Variants in TMEM232 observed in about 807,000 individuals in gnomAD.
The protein encoded by TMEM232 is transmembrane protein 232.
A neutral mutation model predicts 78.8 loss-of-function variants in TMEM232; 80 were observed. The ratio of observed to expected loss-of-function variants is 1.01; its 90% CI spans 0.85 to 1.22. The LOEUF (loss-of-function observed/expected upper bound fraction) is 1.22. Ranked by LOEUF, TMEM232 falls within the 50% of genes most tolerant of loss-of-function variation. TMEM232 has a pLI of 0.00. For synonymous variants in TMEM232, 297 were observed against 254.3 expected, an observed-to-expected ratio of 1.17 and a Z score of -1.60; for missense variants, 881 against 742.2, an observed-to-expected ratio of 1.19 and a Z score of -2.17.
At chr5:110,537,816 C>G (rs73783622) in intron 11 of TMEM232, among the ~76,000 whole-genome samples, 5,904 of 152,332 alleles carry the variant, frequency 0.039, 178 homozygotes, top group African/African-American at 0.081. Context: ...TCAAGAATCC[C>G]AGGAAATTTG....
rs535798367 is a variant in TMEM232 at position 110,723,830 on chromosome 5, A to G, written c.-13+2797T>C. On this transcript the variant is annotated intron_variant, in intron 1 of 13. Transcript: ENST00000455884. ...TGTTGGTAAAGTTTACTTTCATGAT[A>G]GAGGCACAGTACCTTCTTCCTTGTC... Among the ~76,000 whole-genome samples the G allele has an allele frequency of 2.0e-5, 3 of 152,322 alleles. No homozygotes were observed. In the South Asian group the frequency reaches 6.2e-4, roughly 32 times the overall value.
chr5:110,522,073 C>T (rs369509183), intron 12 of TMEM232, among the ~76,000 whole-genome samples: 1 of 152,040 alleles, frequency 6.6e-6, no homozygotes, highest in African/African-American at 2.4e-5. Flanking sequence ...TACAAAATGC[C>T]ATTCATTTAT....
At chr5:110,518,222 T>C (rs565397225) in intron 12 of TMEM232, among the ~76,000 whole-genome samples, 258 of 152,264 alleles carry the variant, frequency 1.7e-3, no homozygotes, top group African/African-American at 5.8e-3. Flanking sequence ...ATCATCTGTA[T>C]ACACTTTCCC....
intron 12 of TMEM232, among the ~76,000 whole-genome samples, chr5:110,504,365 G>A (rs904686659): frequency 6.6e-6 from 1 of 152,082 alleles, no homozygotes; most frequent in African/African-American, 2.4e-5. Context: ...ATGCTGATAC[G>A]GGAATAGAAG....
chr5:110,627,983 A>G (rs972376710), intron 5 of TMEM232, 103 bp from the exon 6 acceptor site: 1 of 763,898 alleles, frequency 1.3e-6, no homozygotes, highest in Non-Finnish European at 2.1e-6. Context: ...TCTTTTGAGA[A>G]AACAATTTTA....
intron 11 of TMEM232, among the ~76,000 whole-genome samples, chr5:110,564,110 T>C (rs1039654785): frequency 2.6e-5 from 4 of 152,026 alleles, no homozygotes; most frequent in African/African-American, 7.2e-5. Context: ...TAATTGCCCT[T>C]CCTACCTATT....
intron 12 of TMEM232, among the ~76,000 whole-genome samples, chr5:110,518,136 CT>C (rs1768959093): frequency 1.3e-5 from 2 of 151,886 alleles, no homozygotes; most frequent in Admixed American, 1.3e-4. Flanking sequence ...CTCTCTCTCT[CT>C]CTCTCTCTTT....
intron 12 of TMEM232, among the ~76,000 whole-genome samples, chr5:110,435,078 A>G (rs1337927013): frequency 6.6e-6 from 1 of 151,906 alleles, no homozygotes; most frequent in African/African-American, 2.4e-5. Flanking sequence ...AGCCAGAGCA[A>G]TCAGGCAAGA....
chr5:110,679,287 G>T (rs1426502527), intron 1 of TMEM232, among the ~76,000 whole-genome samples: 1 of 152,156 alleles, frequency 6.6e-6, no homozygotes, highest in Non-Finnish European at 1.5e-5. Context: ...ATGATATAGA[G>T]TATCTTTTCA....
At chr5:110,489,994 C>T (rs1040059718) in intron 12 of TMEM232, among the ~76,000 whole-genome samples, 2 of 151,578 alleles carry the variant, frequency 1.3e-5, no homozygotes, top group African/African-American at 2.4e-5. Flanking sequence ...TGTGGTGGCG[C>T]GTGCCTATAG....
In TMEM232 at chr5:110,528,607, C is replaced by A; in HGVS notation, c.1684G>T (p.Val562Phe). The A allele has an allele frequency of 6.5e-7, 1 of 1,530,098 alleles. No homozygotes were observed. The highest frequency in any genetic ancestry group is 1.2e-5 in the South Asian group (1 of 82,822). The allele number at this position is 1,530,098 out of a possible 1,614,324, so 94.8% of individuals were successfully genotyped here. ...CTTTACCTTACAGTGAAATGTAGAACTTGCTTTTTCACAGACTCCAGCTTT... is the reference window on the plus strand; with the variant it reads ...CTTTACCTTACAGTGAAATGTAGAAATTGCTTTTTCACAGACTCCAGCTTT... ...NKKLESVKKQ[V>F]LHFTVREHPS... The change falls in exon 12 of 14, where the codon GTT becomes TTT. Residue 562 changes from valine (V) to phenylalanine (F), a missense_variant. By Grantham distance (50) the Val-to-Phe change is conservative (BLOSUM62 -1). Coordinates refer to ENST00000455884, the MANE Select transcript of TMEM232 (RefSeq NM_001039763.4).
intron 12 of TMEM232, among the ~76,000 whole-genome samples, chr5:110,440,197 C>CT (rs1278787144): frequency 1.3e-4 from 20 of 152,092 alleles, no homozygotes; most frequent in Non-Finnish European, 2.8e-4. Flanking sequence ...TCAAAGTGTC[C>CT]TTTAAGAGAT....
At chr5:110,692,520 G>T (rs550221337) in intron 1 of TMEM232, among the ~76,000 whole-genome samples, 1 of 152,366 alleles carries the variant, frequency 6.6e-6, no homozygotes, top group East Asian at 1.9e-4. Context: ...CACACAGGAA[G>T]CGCAAGGAGG....
At chr5:110,611,447 G>A (rs1245379727) in intron 8 of TMEM232, among the ~76,000 whole-genome samples, 5 of 152,042 alleles carry the variant, frequency 3.3e-5, no homozygotes, top group Non-Finnish European at 5.9e-5. Flanking sequence ...GAGAGTGAAG[G>A]GATGGAGCCT....
chr5:110,654,286 T>C (rs1051324779), intron 2 of TMEM232, among the ~76,000 whole-genome samples: 1 of 152,252 alleles, frequency 6.6e-6, no homozygotes, highest in Admixed American at 6.5e-5. Flanking sequence ...ACTTTAGGTC[T>C]AATGTTTAAG....
At chr5:110,728,087 C>T (rs367706779), upstream of TMEM232, among the ~76,000 whole-genome samples, 7 of 151,680 alleles carry the variant, frequency 4.6e-5, no homozygotes, top group South Asian at 1.0e-3. Flanking sequence ...AAAGGAAGGC[C>T]GAATAAAAAA....
chr5:110,738,339 G>A, upstream of TMEM232: 1 of 934,426 alleles, frequency 1.1e-6, no homozygotes, highest in Non-Finnish European at 1.4e-6. Flanking sequence ...TACCCTGAGT[G>A]ATTTAGACAC....
chr5:110,648,795 A>G (rs181916766), intron 2 of TMEM232, among the ~76,000 whole-genome samples: 58 of 152,252 alleles, frequency 3.8e-4, no homozygotes, highest in African/African-American at 1.3e-3. Context: ...TGTTCTTTGC[A>G]GGACTTTTTA....
intron 12 of TMEM232, among the ~76,000 whole-genome samples, chr5:110,476,058 G>A (rs536581809): frequency 6.6e-5 from 10 of 151,658 alleles, no homozygotes; most frequent in Non-Finnish European, 1.3e-4. Context: ...AGGTATTGTT[G>A]GGCAACCCAT....
Sources: gnomAD v4.1 joint callset for allele counts (sites outside exome capture counted in the v4.1 genomes callset) on GRCh38, gnomAD v4.1.1 for gene constraint, MANE v1.5 for transcripts, NCBI Gene and HGNC (gene_info 2026-07-23, HGNC 2026-07-21) for gene names.